The following ITPRID1 variants were observed in gnomAD, a reference collection of about 807,000 sequenced individuals.
ITPRID1 encodes ITPR interacting domain containing 1.
In ITPRID1, 96 loss-of-function variants were observed where a neutral mutation model predicts 95.4. The observed-to-expected ratio is 1.01, with a 90% CI of 0.85 to 1.19. The LOEUF (loss-of-function observed/expected upper bound fraction) is 1.19, where lower values mean the gene tolerates loss of function less well. Among genes scored for constraint, ITPRID1 ranks in the 50% most tolerant of loss-of-function variants. The pLI, the probability that ITPRID1 is intolerant of heterozygous loss-of-function variation, is 0.00. For synonymous variants in ITPRID1, 510 were observed against 453.6 expected (o/e 1.12, Z -1.58); for missense variants, 1,339 against 1,252.9 (o/e 1.07, Z -1.04).
At chr7:31,594,306 G>C (rs1435202679) in intron 10 of ITPRID1, among the ~76,000 whole-genome samples, 1 of 152,152 alleles carries the variant, frequency 6.6e-6, no homozygotes, top group Non-Finnish European at 1.5e-5. Context: ...GCATTTCTCA[G>C]AATGTGTCCC....
intron 5 of ITPRID1, among the ~76,000 whole-genome samples, chr7:31,569,365 C>T (rs898035129): frequency 2.0e-5 from 3 of 152,188 alleles, no homozygotes; most frequent in Admixed American, 2.0e-4. Flanking sequence ...AATCAGACTA[C>T]CCCTAGCACT....
chr7:31,516,987 G>T (rs1783063516), intron 1 of ITPRID1, among the ~76,000 whole-genome samples: 1 of 152,194 alleles, frequency 6.6e-6, no homozygotes, highest in Non-Finnish European at 1.5e-5. Context: ...TGGTCTGGCT[G>T]ACTTTAGGAG....
chr7:31,638,388 G>A (rs1330464147), intron 10 of ITPRID1, among the ~76,000 whole-genome samples: 2 of 152,174 alleles, frequency 1.3e-5, no homozygotes, highest in Middle Eastern at 3.4e-3. Context: ...TGTAAAAGTC[G>A]CACATCAGAG....
intron 10 of ITPRID1, among the ~76,000 whole-genome samples, chr7:31,590,020 G>A (rs909075606): frequency 6.6e-6 from 1 of 151,946 alleles, no homozygotes; most frequent in African/African-American, 2.4e-5. Context: ...ATAGCAAAAT[G>A]CTAACAAAAA....
chr7:31,522,937 T>C (rs975999540), intron 1 of ITPRID1, among the ~76,000 whole-genome samples: 1 of 152,218 alleles, frequency 6.6e-6, no homozygotes, highest in Non-Finnish European at 1.5e-5. Context: ...GTAGATATAA[T>C]GTACGTATTC....
intron 12 of ITPRID1, among the ~76,000 whole-genome samples, chr7:31,644,810 G>T (rs1790323657): frequency 6.6e-6 from 1 of 152,190 alleles, no homozygotes; most frequent in Admixed American, 6.5e-5. Context: ...GAGTTGAAAA[G>T]GTGAAGGGGC....
At chr7:31,646,319 G>A (rs1790463677) in intron 12 of ITPRID1, among the ~76,000 whole-genome samples, 1 of 152,148 alleles carries the variant, frequency 6.6e-6, no homozygotes. Context: ...TGAGGTACTA[G>A]GGGTGTCCTG....
At chr7:31,569,928 G>C (rs775874067) in intron 6 of ITPRID1, 119 bp downstream of exon 6, 25 of 752,864 alleles carry the variant, frequency 3.3e-5, no homozygotes, top group Admixed American at 2.2e-4. Flanking sequence ...CTCGTGAAAG[G>C]TAACTGGTTT....
chr7:31,588,054 G>C (rs903948119), intron 10 of ITPRID1, among the ~76,000 whole-genome samples: 14 of 152,164 alleles, frequency 9.2e-5, no homozygotes, highest in African/African-American at 2.4e-5. Context: ...TCTCCAATGA[G>C]TAGATTCCTT....
Position 31,651,166 on chromosome 7 carries a change from A to G in ITPRID1, c.2608A>G (p.Met870Val). Reference sequence around the variant, plus strand: ...GTGCACAGTCCATGAGATGGAAGCCATGAAGACGATATGCCAAAGTTTCCG... The same window carrying G: ...GTGCACAGTCCATGAGATGGAAGCCGTGAAGACGATATGCCAAAGTTTCCG... The part of the protein sequence containing the change: ...CSCTVHEMEA[M>V]KTICQSFREY... The change falls in exon 13 of 15, where the codon ATG (methionine) becomes GTG (valine). Residue 870 changes from methionine (M) to valine (V), a missense_variant. Transcript: ENST00000615280. 1.9e-6 allele frequency: 3 copies of G among 1,613,534 alleles called. No homozygotes were observed. Among genetic ancestry groups the G allele is most frequent in the Non-Finnish European group, 2.5e-6 (3 of 1,179,540 alleles).
chr7:31,621,689 C>G (rs1303648107), intron 10 of ITPRID1, among the ~76,000 whole-genome samples: 18 of 146,702 alleles, frequency 1.2e-4, no homozygotes, highest in African/African-American at 3.1e-4. Context: ...TAGCAATAAA[C>G]TGCATCAACT....
chr7:31,581,826 G>C (rs1785415537), intron 9 of ITPRID1, among the ~76,000 whole-genome samples: 1 of 151,796 alleles, frequency 6.6e-6, no homozygotes, highest in Non-Finnish European at 1.5e-5. Context: ...AAATGCATGT[G>C]ATGTGCACTG....
chr7:31,608,585 A>C (rs1360226274), intron 10 of ITPRID1, among the ~76,000 whole-genome samples: 1 of 151,728 alleles, frequency 6.6e-6, no homozygotes, highest in Non-Finnish European at 1.5e-5. Context: ...TCTTTGGTTC[A>C]GTTTATTCTA....
At chr7:31,591,077 A>C (rs1785845184) in intron 10 of ITPRID1, among the ~76,000 whole-genome samples, 1 of 152,140 alleles carries the variant, frequency 6.6e-6, no homozygotes, top group African/African-American at 2.4e-5. Context: ...TGAGAACATC[A>C]ACACTGACTG....
chr7:31,578,168 A>G lies in ITPRID1; in HGVS notation c.904A>G (p.Ile302Val), dbSNP rs1425049643. ...DCGAELAATS[I>V]NHKQNHLSLS... is the part of the protein sequence containing the mutation. ...TGGAGCAGAGCTAGCAGCAACCTCA[A>G]TCAACCACAAGCAAAATCATTTGTC... is the stretch of plus-strand genomic sequence containing the variant. Residue 302 changes from isoleucine to valine, a missense_variant, in exon 9 of 15, where the codon ATC (isoleucine) becomes GTC (valine). Ile to Val is a conservative substitution (Grantham distance 29). Coordinates refer to ENST00000615280, the MANE Select transcript of ITPRID1 (RefSeq NM_001257967.3). The G allele has an allele frequency of 5.0e-6, 8 of 1,613,688 alleles. No individual in the cohort carries two copies. The highest frequency in any genetic ancestry group is 1.3e-5 in the African/African-American group (1 of 74,912).
intron 1 of ITPRID1, among the ~76,000 whole-genome samples, chr7:31,526,380 C>T (rs7791094): frequency 0.58 from 88,335 of 151,996 alleles, 26,766 homozygotes; most frequent in Middle Eastern, 0.72. Flanking sequence ...GATAGGCCTA[C>T]GTTGCGAGTC....
intron 5 of ITPRID1, among the ~76,000 whole-genome samples, chr7:31,557,566 C>T (rs2128138389): frequency 6.6e-6 from 1 of 152,090 alleles, no homozygotes; most frequent in East Asian, 1.9e-4. Context: ...CATTTTGTAC[C>T]TTGTTTACCA....
chr7:31,621,043 G>A (rs2128177507), intron 10 of ITPRID1, among the ~76,000 whole-genome samples: 1 of 151,870 alleles, frequency 6.6e-6, no homozygotes, highest in Middle Eastern at 3.4e-3. Context: ...GAAGCAAGAA[G>A]GGAAGTTTAG....
At chr7:31,604,003 C>T (rs1246376310) in intron 10 of ITPRID1, among the ~76,000 whole-genome samples, 2 of 152,156 alleles carry the variant, frequency 1.3e-5, no homozygotes, top group African/African-American at 4.8e-5. Context: ...GGCCTTAATA[C>T]ATTTTGCCTT....
Sources: allele counts gnomAD v4.1 joint callset (sites outside exome capture counted in the v4.1 genomes callset), GRCh38; gene constraint gnomAD v4.1.1; transcripts MANE v1.5; gene names NCBI Gene and HGNC (gene_info 2026-07-23, HGNC 2026-07-21).